TESK2: variants seen among roughly 807,000 people sequenced by gnomAD.
TESK2 encodes dual specificity testis-specific protein kinase 2.
In TESK2, 39 loss-of-function variants were observed where a neutral mutation model predicts 57.1. That is an observed-to-expected ratio of 0.68 (90% CI 0.53 to 0.89). TESK2 has a LOEUF of 0.89. TESK2 is among the 40% of genes least tolerant of loss of function. The pLI, the probability that TESK2 is intolerant of heterozygous loss-of-function variation, is 0.00. For missense variants in TESK2, 646 were observed against 732.1 expected (o/e 0.88, Z 1.36); for synonymous variants, 249 against 267.9 (o/e 0.93, Z 0.69).
At chr1:45,448,013 A>ATGTGTG (rs149120113) in intron 2 of TESK2, among the ~76,000 whole-genome samples, 2,776 of 148,310 alleles carry the variant, frequency 0.019, 68 homozygotes, top group African/African-American at 0.054. Flanking sequence ...GGAAGACTCA[A>ATGTGTG]TGTGTGTGTG....
chr1:45,406,400 C>T (rs1379131032), intron 3 of TESK2, among the ~76,000 whole-genome samples: 2 of 152,106 alleles, frequency 1.3e-5, no homozygotes, highest in Admixed American at 1.3e-4. Flanking sequence ...AATCCCAGCA[C>T]TTTGGGAGGC....
At chr1:45,372,134 G>C (rs1327541941) in intron 4 of TESK2, among the ~76,000 whole-genome samples, 2 of 152,076 alleles carry the variant, frequency 1.3e-5, no homozygotes, top group Non-Finnish European at 2.9e-5. Flanking sequence ...TGTAGTATCA[G>C]CTACTCGAAA....
intron 4 of TESK2, among the ~76,000 whole-genome samples, chr1:45,382,034 C>T (rs1648674988): frequency 6.6e-6 from 1 of 151,662 alleles, no homozygotes; most frequent in Admixed American, 6.6e-5. Context: ...CCACATCTGG[C>T]TGATTTTTTT....
At chr1:45,436,176 A>G (rs1557573070) in intron 2 of TESK2, among the ~76,000 whole-genome samples, 1 of 55,580 alleles carries the variant, frequency 1.8e-5, no homozygotes, top group Non-Finnish European at 3.3e-5. Context: ...TGACATTGGT[A>G]TCTTCTTTTT....
chr1:45,420,260 T>C (rs78367854), intron 3 of TESK2, among the ~76,000 whole-genome samples: 1 of 152,146 alleles, frequency 6.6e-6, no homozygotes, highest in Non-Finnish European at 1.5e-5. Context: ...TTGTTTTTAA[T>C]ATAGGGTCTC....
At chr1:45,435,599 G>A (rs1337553378) in intron 2 of TESK2, among the ~76,000 whole-genome samples, 1 of 110,934 alleles carries the variant, frequency 9.0e-6, no homozygotes, top group Non-Finnish European at 1.8e-5. Flanking sequence ...GTAGAGACAA[G>A]GTCTCACTAT....
rs760730409 is a variant in TESK2 at position 45,430,988 on chromosome 1, T to G, written c.223-9142A>C. Among the ~76,000 whole-genome samples, 21 of 152,314 alleles carry G rather than the reference T, an allele frequency of 1.4e-4. No homozygotes were observed. The Middle Eastern group carries it at 0.01, about 74-fold the overall frequency. On this transcript the variant is annotated intron_variant, in intron 2 of 10. Coordinates refer to ENST00000372086, the MANE Select transcript of TESK2 (RefSeq NM_007170.3). ...AATTGAGCTTATGGCCTAGAACCCA[T>G]CTACTGAAAAGTAAGCAGATTAAAC...
At chr1:45,376,244 G>A (rs1648421412) in intron 4 of TESK2, among the ~76,000 whole-genome samples, 1 of 114,126 alleles carries the variant, frequency 8.8e-6, no homozygotes, top group African/African-American at 3.4e-5. Context: ...TTGAGACAGA[G>A]TCTCACTCTG....
chr1:45,371,706 T>C (rs1398245180), intron 4 of TESK2, among the ~76,000 whole-genome samples: 3 of 149,536 alleles, frequency 2.0e-5, no homozygotes, highest in Admixed American at 6.6e-5. Context: ...CTACAAAAAA[T>C]ACCAAAAAAA....
At chr1:45,348,572 A>G (rs947030810) in intron 5 of TESK2, among the ~76,000 whole-genome samples, 1 of 152,182 alleles carries the variant, frequency 6.6e-6, no homozygotes, top group Non-Finnish European at 1.5e-5. Context: ...TGGTGCCCCT[A>G]TGCACATATC....
chr1:45,344,745 G>A lies in TESK2; in HGVS notation c.*95C>T, dbSNP rs1647113051. On this transcript the variant is annotated 3_prime_UTR_variant, in exon 11 of 11. Coordinates refer to ENST00000372086, the MANE Select transcript of TESK2 (RefSeq NM_007170.3). ...TGGCTTGGCCTAGCCTGCCTGCTCT[G>A]TAGGCTCCAGGGAAGAATCAAGGCT... The A allele has an allele frequency of 1.6e-6, 2 of 1,252,012 alleles. No homozygotes were observed. Among genetic ancestry groups the A allele is most frequent in the Non-Finnish European group, 2.2e-6 (2 of 898,260 alleles). 77.6% of individuals were successfully genotyped at this position (1,252,012 alleles called of 1,614,324 possible).
chr1:45,401,747 A>G (rs1432270046), intron 3 of TESK2, among the ~76,000 whole-genome samples: 1 of 152,144 alleles, frequency 6.6e-6, no homozygotes, highest in African/African-American at 2.4e-5. Flanking sequence ...GATAATGAGA[A>G]AGAAAGAAAA....
chr1:45,354,054 G>A (rs1316228286), intron 5 of TESK2, among the ~76,000 whole-genome samples: 1 of 152,152 alleles, frequency 6.6e-6, no homozygotes, highest in Admixed American at 6.5e-5. Context: ...ACTACATCCT[G>A]GGGCCACAGG....
chr1:45,457,499 A>G, intron 2 of TESK2, 65 bp downstream of exon 2: 3 of 1,457,402 alleles, frequency 2.1e-6, no homozygotes, highest in South Asian at 1.2e-5. Context: ...ATTAAACACA[A>G]CTATCAACCT....
chr1:45,378,778 A>G (rs947716510), intron 4 of TESK2, among the ~76,000 whole-genome samples: 4 of 152,224 alleles, frequency 2.6e-5, no homozygotes, highest in African/African-American at 9.6e-5. Flanking sequence ...TACCTAGCCC[A>G]TAGTAGATTC....
chr1:45,362,552 A>G (rs1249739270), intron 4 of TESK2, among the ~76,000 whole-genome samples: 1 of 152,236 alleles, frequency 6.6e-6, no homozygotes, highest in Non-Finnish European at 1.5e-5. Context: ...AAATAAGCTT[A>G]TCTCTGAACA....
In TESK2 at chr1:45,474,460, CT is replaced by C. The variant is rs201307631; in HGVS notation, c.-87+16391del. Among the ~76,000 whole-genome samples, 1,352 of 148,836 alleles carry C rather than the reference CT, an allele frequency of 9.1e-3. 11 individuals are homozygous for C. The highest frequency in any genetic ancestry group is 0.021 in the African/African-American group (844 of 40,704). On this transcript the variant is annotated intron_variant, in intron 1 of 10. Transcript: ENST00000372086. ...TGGGCAACATAGCAAGACCCCATCT[CT>C]TTTTTTTTTATTGTATTTATTTATT...
At chr1:45,391,780 A>G (rs1266864213) in intron 3 of TESK2, among the ~76,000 whole-genome samples, 2 of 152,144 alleles carry the variant, frequency 1.3e-5, no homozygotes, top group Non-Finnish European at 2.9e-5. Flanking sequence ...CTCCCACAGT[A>G]TAACTAGCAC....
chr1:45,344,979 G>A lies in TESK2; in HGVS notation c.1577C>T (p.Ser526Phe), dbSNP rs1196008864. Reference sequence around the variant, plus strand: ...GCATGGACTGGTCCCCTGGGGCCTGGACCCAAAACCATTTTCTTCCTGGAG... The same window carrying A: ...GCATGGACTGGTCCCCTGGGGCCTGAACCCAAAACCATTTTCTTCCTGGAG... ...SILQEENGFG[S>F]RPQGTSPCPA... The change falls in exon 11 of 11, where the codon TCC becomes TTC. Residue 526 changes from serine to phenylalanine, a missense_variant. By Grantham distance (155) the Ser-to-Phe change is radical. Coordinates refer to ENST00000372086, the MANE Select transcript of TESK2 (RefSeq NM_007170.3). 1.2e-6 allele frequency: 2 copies of A among 1,614,224 alleles called. No homozygotes were observed. Among genetic ancestry groups the A allele is most frequent in the Admixed American group, 3.3e-5 (2 of 60,026 alleles).
Sources: gnomAD v4.1 joint callset for allele counts (sites outside exome capture counted in the v4.1 genomes callset) on GRCh38, gnomAD v4.1.1 for gene constraint, MANE v1.5 for transcripts, NCBI Gene and HGNC (gene_info 2026-07-23, HGNC 2026-07-21) for gene names.